The following DPP10 variants were observed in gnomAD, a reference collection of about 807,000 sequenced individuals.
DPP10 encodes the protein dipeptidyl peptidase like 10.
DPP10 carries 33 observed loss-of-function variants against 120.9 expected under a neutral mutation model. That is an observed-to-expected ratio of 0.27 (90% CI 0.21 to 0.37). DPP10 has a LOEUF of 0.37. Among genes scored for constraint, DPP10 ranks in the 10% least tolerant of loss-of-function variants. The pLI is 1.00. For synonymous variants in DPP10, 337 were observed against 326.1 expected, an observed-to-expected ratio of 1.03 and a Z score of -0.36; for missense variants, 816 against 942.8, an observed-to-expected ratio of 0.87 and a Z score of 1.76.
chr2:115,152,016 GT>G (rs1457699464), intron 1 of DPP10, among the ~76,000 whole-genome samples: 1 of 150,916 alleles, frequency 6.6e-6, no homozygotes, highest in Non-Finnish European at 1.5e-5. Context: ...TCTGATTAAT[GT>G]TTTTTTCATG....
At chr2:115,272,044 A>G (rs1015768421) in intron 1 of DPP10, among the ~76,000 whole-genome samples, 1 of 152,230 alleles carries the variant, frequency 6.6e-6, no homozygotes, top group Admixed American at 6.5e-5. Flanking sequence ...TCCAGAAATA[A>G]TCTGTTAATA....
chr2:115,158,986 T>C (rs987800062), intron 1 of DPP10, among the ~76,000 whole-genome samples: 3 of 152,128 alleles, frequency 2.0e-5, no homozygotes, highest in Non-Finnish European at 2.9e-5. Flanking sequence ...ATTGAGTTTT[T>C]TTTTTTTAAT....
chr2:115,785,333 A>G (rs1268225861), intron 17 of DPP10, among the ~76,000 whole-genome samples: 3 of 152,188 alleles, frequency 2.0e-5, no homozygotes, highest in Non-Finnish European at 4.4e-5. Context: ...TTGGTATCAG[A>G]ATCATGCTGA....
chr2:115,096,616 C>A (rs1174214767), intron 1 of DPP10, among the ~76,000 whole-genome samples: 1 of 152,040 alleles, frequency 6.6e-6, no homozygotes, highest in Non-Finnish European at 1.5e-5. Flanking sequence ...TCCCAATAAA[C>A]CCCTCATAAT....
chr2:114,734,988 C>A (rs141602452), intron 1 of DPP10, among the ~76,000 whole-genome samples: 90 of 152,312 alleles, frequency 5.9e-4, no homozygotes, highest in African/African-American at 2.0e-3. Flanking sequence ...CATGTTCTCA[C>A]ATGCCCTTTT....
chr2:115,765,232 A>G (rs1428402985), intron 12 of DPP10, among the ~76,000 whole-genome samples: 1 of 152,126 alleles, frequency 6.6e-6, no homozygotes, highest in African/African-American at 2.4e-5. Context: ...GGGAGGAGGC[A>G]ATGTAAATGG....
intron 1 of DPP10, among the ~76,000 whole-genome samples, chr2:115,289,474 T>A (rs1574308288): frequency 2.9e-5 from 1 of 34,876 alleles, no homozygotes; most frequent in African/African-American, 1.1e-4. Flanking sequence ...AGCCTAAAAT[T>A]CATAAGAAAC....
At chr2:115,174,487 T>C (rs1252441084) in intron 1 of DPP10, among the ~76,000 whole-genome samples, 1 of 152,246 alleles carries the variant, frequency 6.6e-6, no homozygotes, top group East Asian at 1.9e-4. Flanking sequence ...TTTGTGTTTG[T>C]CTTTGATAGC....
intron 1 of DPP10, among the ~76,000 whole-genome samples, chr2:114,461,376 G>A (rs968323837): frequency 2.6e-5 from 4 of 152,190 alleles, no homozygotes; most frequent in African/African-American, 4.8e-5. Context: ...ATAAAGAGAG[G>A]CGCCAAGCCT....
chr2:115,500,083 C>A (rs1018169593), intron 4 of DPP10, among the ~76,000 whole-genome samples: 1 of 151,836 alleles, frequency 6.6e-6, no homozygotes, highest in African/African-American at 2.4e-5. Context: ...CTGTCAGTAC[C>A]ATTTTACTTA....
chr2:115,339,619 C>T (rs1298613280), intron 2 of DPP10, among the ~76,000 whole-genome samples: 1 of 152,074 alleles, frequency 6.6e-6, no homozygotes, highest in Non-Finnish European at 1.5e-5. Context: ...TGGAATATTA[C>T]TCAGCCATCA....
At chr2:114,620,950 A>G (rs1694051577) in intron 1 of DPP10, among the ~76,000 whole-genome samples, 1 of 152,104 alleles carries the variant, frequency 6.6e-6, no homozygotes, top group South Asian at 2.1e-4. Context: ...TATCTCTACC[A>G]AGAGAGTATC....
chr2:115,364,547 C>G (rs2064972562), intron 3 of DPP10, among the ~76,000 whole-genome samples: 1 of 151,096 alleles, frequency 6.6e-6, no homozygotes, highest in Admixed American at 6.6e-5. Context: ...TTTTTCCATA[C>G]AAAAAGCAAA....
At chr2:115,463,539 A>G (rs2074118153) in intron 3 of DPP10, among the ~76,000 whole-genome samples, 1 of 152,198 alleles carries the variant, frequency 6.6e-6, no homozygotes, top group Admixed American at 6.5e-5. Context: ...ATATCTGTCC[A>G]TAAGTAGTGA....
intron 9 of DPP10, among the ~76,000 whole-genome samples, chr2:115,740,803 T>G (rs544107653): frequency 6.6e-6 from 1 of 152,246 alleles, no homozygotes; most frequent in African/African-American, 2.4e-5. Context: ...AAGGCTCATG[T>G]GTAAGGCCCC....
intron 1 of DPP10, among the ~76,000 whole-genome samples, chr2:115,067,598 T>C: frequency 7.4e-6 from 1 of 135,624 alleles, no homozygotes. Context: ...GCGCGGTGGC[T>C]CACGCCTTTG....
intron 1 of DPP10, among the ~76,000 whole-genome samples, chr2:114,998,773 A>G (rs975229206): frequency 3.9e-5 from 6 of 152,190 alleles, no homozygotes; most frequent in Non-Finnish European, 2.9e-5. Flanking sequence ...GAAAACGCAC[A>G]GAGGAAAACT....
At chr2:115,691,154 G>C (rs1172539029) in intron 7 of DPP10, among the ~76,000 whole-genome samples, 3 of 151,344 alleles carry the variant, frequency 2.0e-5, no homozygotes, top group Non-Finnish European at 4.4e-5. Flanking sequence ...ATATGTTCTG[G>C]ATATTAATAC....
intron 1 of DPP10, among the ~76,000 whole-genome samples, chr2:114,786,515 G>A (rs575415019): frequency 1.0e-3 from 154 of 152,280 alleles, no homozygotes; most frequent in Non-Finnish European, 1.7e-3. Flanking sequence ...GTGTAACATC[G>A]TGTGTAGAAA....
Sources: allele counts gnomAD v4.1 joint callset (sites outside exome capture counted in the v4.1 genomes callset), GRCh38; gene constraint gnomAD v4.1.1; transcripts MANE v1.5; gene names NCBI Gene and HGNC (gene_info 2026-07-23, HGNC 2026-07-21).